UBR4: variants seen among roughly 807,000 people sequenced by gnomAD.
The protein encoded by UBR4 is ubiquitin protein ligase E3 component n-recognin 4.
Under a neutral mutation model 575.6 loss-of-function variants are expected in UBR4, and 124 were observed. The observed-to-expected ratio is 0.22, with a 90% CI of 0.19 to 0.25. The LOEUF is 0.25. Among genes scored for constraint, UBR4 ranks in the 10% least tolerant of loss-of-function variants. UBR4 has a pLI of 1.00. For missense variants in UBR4, 4,818 were observed against 6,478.8 expected (o/e 0.74, Z 8.80); for synonymous variants, 2,455 against 2,473.7 (o/e 0.99, Z 0.22).
Position 19,173,314 on chromosome 1 carries a change from G to T in UBR4, c.3166-8C>A. The T allele has an allele frequency of 6.2e-7, 1 of 1,613,798 alleles. No homozygotes were observed. Among genetic ancestry groups the T allele is most frequent in the Non-Finnish European group, 8.5e-7 (1 of 1,179,926 alleles). On this transcript the variant is annotated splice_polypyrimidine_tract_variant and splice_region_variant and intron_variant, in intron 23 of 105. Coordinates refer to ENST00000375254, the MANE Select transcript of UBR4 (RefSeq NM_020765.3). Reference sequence around the variant, plus strand: ...CTGTTTGATAAGGTGATCCTATTTGGACAGCAAGAAAAAGTGTTTAGGAGA... The same window carrying T: ...CTGTTTGATAAGGTGATCCTATTTGTACAGCAAGAAAAAGTGTTTAGGAGA...
Position 19,148,076 on chromosome 1 carries a change from G to C in UBR4, c.7546C>G (p.Pro2516Ala), listed in dbSNP as rs1280213845. The C allele has an allele frequency of 6.2e-7, 1 of 1,611,230 alleles. No individual in the cohort carries two copies. Among genetic ancestry groups the C allele is most frequent in the Non-Finnish European group, 8.5e-7 (1 of 1,179,928 alleles). ...QELATLLLSL[P>A]APASVQQQSK... ...TGCTGCTGGACACTGGCAGGTGCTG[G>C]CAGGGACAACAGCAAAGTGGCCAGC... The change falls in exon 51 of 106, where the codon CCA (proline) becomes GCA (alanine). Residue 2516 changes from proline to alanine, a missense_variant. By Grantham distance (27) the Pro-to-Ala change is conservative. Transcript: ENST00000375254.
At chr1:19,123,645 T>C (rs2081411772) in intron 65 of UBR4, among the ~76,000 whole-genome samples, 1 of 152,138 alleles carries the variant, frequency 6.6e-6, no homozygotes, top group Non-Finnish European at 1.5e-5. Flanking sequence ...ACAGGCAAGC[T>C]GGACTCCACT....
chr1:19,208,358 T>C (rs1167537966), intron 1 of UBR4, among the ~76,000 whole-genome samples: 1 of 150,376 alleles, frequency 6.6e-6, no homozygotes, highest in Non-Finnish European at 1.5e-5. Context: ...TCCCAGCTAC[T>C]TGGGAGGCTG....
At chr1:19,190,712 C>T (rs2092003425) in intron 11 of UBR4, among the ~76,000 whole-genome samples, 1 of 152,142 alleles carries the variant, frequency 6.6e-6, no homozygotes, top group Non-Finnish European at 1.5e-5. Context: ...GTAAATCCTG[C>T]CAGCTGTACC....
rs776593168 is a variant in UBR4 at position 19,167,086 on chromosome 1, G to A, written c.4045C>T (p.Arg1349Cys). The change falls in exon 29 of 106, where the codon CGT becomes TGT. Residue 1349 changes from arginine (R) to cysteine (C), a missense_variant. By Grantham distance (180) the Arg-to-Cys change is radical (BLOSUM62 -3). Transcript: ENST00000375254. ...GPAESDEFLA[R>C]VYEKLITGCY... The stretch of plus-strand genomic sequence containing the variant: ...CCAGTGATCAGCTTCTCATAAACAC[G>A]AGCCAAGAACTCATCAGACTCAGCA... 1.2e-5 allele frequency: 20 copies of A among 1,614,150 alleles called. No individual in the cohort carries two copies. Among genetic ancestry groups the A allele is most frequent in the South Asian group, 5.5e-5 (5 of 91,086 alleles).
intron 97 of UBR4, among the ~76,000 whole-genome samples, chr1:19,092,228 G>C (rs1023742657): frequency 3.3e-5 from 5 of 152,094 alleles, no homozygotes; most frequent in African/African-American, 1.2e-4. Flanking sequence ...GGTTCCACAT[G>C]ATGTTACCAC....
intron 53 of UBR4, 75 bp from the exon 54 acceptor site, chr1:19,144,982 G>A (rs1322823608): frequency 1.3e-6 from 2 of 1,568,432 alleles, no homozygotes; most frequent in East Asian, 4.5e-5. Flanking sequence ...AGACAAAAGT[G>A]TAACCTTTTA....
chr1:19,152,283 G>A lies in UBR4; in HGVS notation c.6996+30C>T, dbSNP rs751413502. 6 of 1,612,088 alleles carry A rather than the reference G, an allele frequency of 3.7e-6. No homozygotes were observed. The highest frequency in any genetic ancestry group is 4.5e-5 in the East Asian group (2 of 44,836). On this transcript the variant is annotated intron_variant, in intron 47 of 105. Coordinates refer to ENST00000375254, the MANE Select transcript of UBR4 (RefSeq NM_020765.3). The surrounding 1 kb of genome is among the most constrained non-coding windows in gnomAD (Gnocchi z 4.4). ...ATATTGTTTGAGTCCTTCTACCCAG[G>A]GATTGATCCCAGCCCAGTGCCATTC... is the stretch of plus-strand genomic sequence containing the variant.
chr1:19,096,523 T>G lies in UBR4; in HGVS notation c.13518A>C (p.Thr4506=). The change falls in exon 92 of 106, where the codon ACA becomes ACC. Residue 4506 remains threonine (T), a splice_region_variant and synonymous_variant. Coordinates refer to ENST00000375254, the MANE Select transcript of UBR4 (RefSeq NM_020765.3). ...CCACAACTTGCTGCCCCCAACTCAC[T>G]GTTAGAAGGTGGCGTCCCTGCTTGA... ...RDFKQGRHLL[T]VLLKLFSYCV... The G allele has an allele frequency of 6.2e-7, 1 of 1,612,556 alleles. No homozygotes were observed. The highest frequency in any genetic ancestry group is 8.5e-7 in the Non-Finnish European group (1 of 1,179,314).
chr1:19,087,784 C>T (rs2077162054), intron 99 of UBR4, 32 bp downstream of exon 99: 1 of 1,571,636 alleles, frequency 6.4e-7, no homozygotes, highest in Non-Finnish European at 8.7e-7. Context: ...AGGCTGGGCC[C>T]TCAGGACCGA....
At chr1:19,186,749 T>G in intron 13 of UBR4, 92 bp from the exon 14 acceptor site, 2 of 1,282,998 alleles carry the variant, frequency 1.6e-6, no homozygotes, top group South Asian at 2.7e-5. Context: ...TATTTTTTCC[T>G]AAATCCAAGA....
chr1:19,167,791 A>C (rs1183775233), intron 28 of UBR4, among the ~76,000 whole-genome samples: 1 of 152,244 alleles, frequency 6.6e-6, no homozygotes, highest in Non-Finnish European at 1.5e-5. Flanking sequence ...TATGTCTTAA[A>C]GCCAGCAAGT....
Position 19,079,514 on chromosome 1 carries a change from C to T in UBR4, c.15234-1448G>A, listed in dbSNP as rs535523699. ...GTCCCAGGCTTTGTACTTGCAAGTT[C>T]CTGGCAGAGGAACTTTTTTTCTGAA... On this transcript the variant is annotated intron_variant, in intron 103 of 105. Transcript: ENST00000375254. The T allele has an allele frequency of 5.9e-5, 9 of 152,344 alleles. No homozygotes were observed. In the East Asian group the frequency reaches 1.7e-3, roughly 29 times the overall value. The allele number at this position is 152,344 out of a possible 1,614,324, so 9.4% of individuals were successfully genotyped here.
intron 54 of UBR4, 52 bp downstream of exon 54, chr1:19,144,734 T>C: frequency 6.4e-7 from 1 of 1,569,926 alleles, no homozygotes; most frequent in Non-Finnish European, 8.6e-7. Flanking sequence ...AAAACAATTT[T>C]CCAGATATTC....
chr1:19,166,926 A>G, intron 29 of UBR4, 96 bp downstream of exon 29: 3 of 1,366,826 alleles, frequency 2.2e-6, no homozygotes, highest in South Asian at 2.5e-5. Flanking sequence ...CACAAAAACA[A>G]TAAGCTATTA....
chr1:19,143,237 AGGAAGGAAGGAAGGAAGGAAGG>A (rs2084242410), intron 55 of UBR4, among the ~76,000 whole-genome samples: 1 of 41,578 alleles, frequency 2.4e-5, no homozygotes, highest in Non-Finnish European at 5.3e-5. Context: ...GAAGGAAGGC[AGGAAGGAAGGAAGGAAGGAAGG>A]AAGAAAGAAA....
Position 19,104,265 on chromosome 1 carries a change from GAC to G in UBR4, c.12728-10_12728-9del. 1.9e-6 allele frequency: 3 copies of G among 1,613,630 alleles called. No individual in the cohort carries two copies. The South Asian group carries it at 3.3e-5, about 18-fold the overall frequency. On this transcript the variant is annotated splice_polypyrimidine_tract_variant and intron_variant, in intron 86 of 105. Coordinates refer to ENST00000375254, the MANE Select transcript of UBR4 (RefSeq NM_020765.3). ...CAAAGGAGGAGAGAAGGCCTGTGGA[GAC>G]AGGAAAATGTTGCTGTGAGAGCTCT...
chr1:19,124,800 T>C, intron 64 of UBR4, 110 bp from the exon 65 acceptor site: 1 of 1,412,198 alleles, frequency 7.1e-7, no homozygotes, highest in Non-Finnish European at 9.6e-7. Flanking sequence ...TGGTAAAGGG[T>C]GCCTTTCAGA....
At chr1:19,205,098 A>G (rs959502209) in intron 1 of UBR4, among the ~76,000 whole-genome samples, 1 of 152,218 alleles carries the variant, frequency 6.6e-6, no homozygotes, top group Non-Finnish European at 1.5e-5. Context: ...TGTCGCTCCT[A>G]ATGAACTGCA....
Sources: allele counts gnomAD v4.1 joint callset (sites outside exome capture counted in the v4.1 genomes callset), GRCh38; gene constraint gnomAD v4.1.1; non-coding constraint Gnocchi (gnomAD v3.1); transcripts MANE v1.5; gene names NCBI Gene and HGNC (gene_info 2026-07-23, HGNC 2026-07-21).